The following SMARCC1 variants were observed in gnomAD, a reference collection of about 807,000 sequenced individuals.
SMARCC1 encodes SWI/SNF related BAF chromatin remodeling complex subunit C1.
In SMARCC1, 43 loss-of-function variants were observed where a neutral mutation model predicts 147.4. The ratio of observed to expected loss-of-function variants is 0.29; its 90% CI spans 0.23 to 0.38. The LOEUF (loss-of-function observed/expected upper bound fraction) is 0.38. Among genes scored for constraint, SMARCC1 ranks in the 10% least tolerant of loss-of-function variants. SMARCC1 has a pLI of 1.00. For synonymous variants in SMARCC1, 495 were observed against 484.4 expected, an observed-to-expected ratio of 1.02 and a Z score of -0.29; for missense variants, 1,119 against 1,381.1, an observed-to-expected ratio of 0.81 and a Z score of 3.01.
At position 47,673,400 on chromosome 3, in the gene SMARCC1, G is replaced by GT. The variant is rs999867089; in HGVS notation, c.1839+2074_1839+2075insA. 6.0e-5 allele frequency among the ~76,000 whole-genome samples: 7 copies of GT among 117,098 alleles called. 1 individual carries two copies. Among genetic ancestry groups the GT allele is most frequent in the Non-Finnish European group, 8.8e-5 (5 of 56,532 alleles). 76.8% of individuals were successfully genotyped at this position (117,098 alleles called of 152,430 possible). On this transcript the variant is annotated intron_variant, in intron 18 of 27. Coordinates refer to ENST00000254480, the MANE Select transcript of SMARCC1 (RefSeq NM_003074.4). The stretch of plus-strand genomic sequence containing the variant: ...GACTCTGTCTCAAAAAAAAAAGGGT[G>GT]GGGGGGGGGCAGGCCAGTGGCTCAG...
At chr3:47,742,236 C>A (rs375617165) in intron 3 of SMARCC1, among the ~76,000 whole-genome samples, 100 of 151,748 alleles carry the variant, frequency 6.6e-4, no homozygotes, top group African/African-American at 2.3e-3. Context: ...AGGGTTCCAG[C>A]CTGCTGGGTG....
intron 25 of SMARCC1, among the ~76,000 whole-genome samples, chr3:47,615,615 T>C (rs62262085): frequency 0.024 from 3,662 of 152,334 alleles, 52 homozygotes; most frequent in Non-Finnish European, 0.038. Context: ...GTACAGGGTC[T>C]GGGTTTCTCA....
intron 14 of SMARCC1, among the ~76,000 whole-genome samples, chr3:47,682,454 A>T (rs931874580): frequency 3.3e-5 from 5 of 152,114 alleles, no homozygotes; most frequent in African/African-American, 7.2e-5. Context: ...AATTAAAAAA[A>T]TTTTTTGTAG....
At chr3:47,740,281 C>T (rs2034495224) in intron 3 of SMARCC1, among the ~76,000 whole-genome samples, 1 of 148,580 alleles carries the variant, frequency 6.7e-6, no homozygotes, top group Admixed American at 6.8e-5. Context: ...CTGCAACCTC[C>T]GCCTTCTGGG....
intron 26 of SMARCC1, among the ~76,000 whole-genome samples, chr3:47,605,014 C>T (rs367720590): frequency 1.3e-5 from 2 of 152,210 alleles, no homozygotes; most frequent in African/African-American, 4.8e-5. Flanking sequence ...TGTGCTGTTG[C>T]TTTTAATTTT....
intron 9 of SMARCC1, among the ~76,000 whole-genome samples, chr3:47,708,615 G>A (rs1389754015): frequency 2.6e-5 from 4 of 152,022 alleles, no homozygotes; most frequent in Admixed American, 2.6e-4. Flanking sequence ...TTCAGGGAAA[G>A]CAAATATGTA....
intron 1 of SMARCC1, among the ~76,000 whole-genome samples, chr3:47,777,833 C>A (rs2034993859): frequency 6.6e-6 from 1 of 151,898 alleles, no homozygotes; most frequent in Non-Finnish European, 1.5e-5. Context: ...CAGTCTCAGT[C>A]CAATTTTTAA....
chr3:47,599,589 C>G (rs937478886), intron 26 of SMARCC1, among the ~76,000 whole-genome samples: 3 of 152,124 alleles, frequency 2.0e-5, no homozygotes, highest in African/African-American at 7.2e-5. Flanking sequence ...AATGAGGGAG[C>G]TCAGATCTGA....
chr3:47,712,360 A>G (rs1576419150), intron 8 of SMARCC1, among the ~76,000 whole-genome samples: 2 of 152,212 alleles, frequency 1.3e-5, no homozygotes, highest in East Asian at 3.8e-4. Context: ...TTTAGAAAAT[A>G]AATGTCAAAA....
At chr3:47,703,264 T>C (rs1339499153) in intron 10 of SMARCC1, among the ~76,000 whole-genome samples, 2 of 152,194 alleles carry the variant, frequency 1.3e-5, no homozygotes, top group South Asian at 2.1e-4. Flanking sequence ...AAGCCGGGCA[T>C]GGTGGCATGC....
chr3:47,594,725 G>A (rs929007322), intron 26 of SMARCC1, among the ~76,000 whole-genome samples: 1 of 152,168 alleles, frequency 6.6e-6, no homozygotes, highest in African/African-American at 2.4e-5. Context: ...AGGGATTAGG[G>A]ATAGGACTAA....
chr3:47,635,354 T>A lies in SMARCC1; in HGVS notation c.2492-10A>T. 1 of 1,609,618 alleles carries A rather than the reference T, an allele frequency of 6.2e-7. No homozygotes were observed. The highest frequency in any genetic ancestry group is 8.5e-7 in the Non-Finnish European group (1 of 1,179,758). ...TCAGTCTCCTTTTCTTCTGAAAATATCAGAAAGCTTTGTTACTAGCGTGCC... is the reference window on the plus strand; with the variant it reads ...TCAGTCTCCTTTTCTTCTGAAAATAACAGAAAGCTTTGTTACTAGCGTGCC... On this transcript the variant is annotated splice_polypyrimidine_tract_variant and intron_variant, in intron 23 of 27. Coordinates refer to ENST00000254480, the MANE Select transcript of SMARCC1 (RefSeq NM_003074.4).
intron 3 of SMARCC1, among the ~76,000 whole-genome samples, chr3:47,740,834 G>C (rs2034500790): frequency 1.4e-5 from 2 of 144,532 alleles, no homozygotes; most frequent in African/African-American, 5.2e-5. Flanking sequence ...CTGGGCGACA[G>C]AGGGAGACTC....
At chr3:47,777,003 A>T (rs1244859537) in intron 1 of SMARCC1, among the ~76,000 whole-genome samples, 3 of 151,524 alleles carry the variant, frequency 2.0e-5, no homozygotes, top group East Asian at 1.9e-4. Flanking sequence ...CGAACTCCCA[A>T]CCTCAGATGA....
In SMARCC1 at chr3:47,633,771, TATATATATACACACAC is replaced by T. The variant is rs1173436367; in HGVS notation, c.2646+1403_2646+1418del. ...AAAAAAAAAAAAAAAAAAATATATA[TATATATATACACACAC>T]ACACACACACACACACACACACACA... On this transcript the variant is annotated intron_variant, in intron 24 of 27. Coordinates refer to ENST00000254480, the MANE Select transcript of SMARCC1 (RefSeq NM_003074.4). Among the ~76,000 whole-genome samples the T allele has an allele frequency of 2.2e-4, 3 of 13,924 alleles. 1 individual carries two copies. Among genetic ancestry groups the T allele is most frequent in the African/African-American group, 3.0e-4 (3 of 9,842 alleles). The allele number at this position is 13,924 out of a possible 152,430, so 9.1% of individuals were successfully genotyped here.
chr3:47,765,750 T>G lies in SMARCC1; in HGVS notation c.315+7067A>C, dbSNP rs1026714424. The stretch of plus-strand genomic sequence containing the variant: ...TTGCAAATTAATTTTTTTTTTTTTT[T>G]GAGATGGAGTCTCACTCTGTCGCCC... On this transcript the variant is annotated intron_variant, in intron 2 of 27. Coordinates refer to ENST00000254480, the MANE Select transcript of SMARCC1 (RefSeq NM_003074.4). Among the ~76,000 whole-genome samples, 9 of 151,880 alleles carry G rather than the reference T, an allele frequency of 5.9e-5. No individual in the cohort carries two copies. In the East Asian group the frequency reaches 1.5e-3, roughly 26 times the overall value.
chr3:47,703,554 T>C (rs905894827), intron 10 of SMARCC1, among the ~76,000 whole-genome samples: 4 of 152,052 alleles, frequency 2.6e-5, no homozygotes, highest in African/African-American at 9.7e-5. Flanking sequence ...TGTAGAATAA[T>C]GGCCAAAAGG....
intron 7 of SMARCC1, among the ~76,000 whole-genome samples, chr3:47,715,964 T>C (rs1350318886): frequency 6.6e-6 from 1 of 151,948 alleles, no homozygotes; most frequent in Non-Finnish European, 1.5e-5. Flanking sequence ...TCAGACCACC[T>C]ACTCCAACAA....
At position 47,675,593 on chromosome 3, in the gene SMARCC1, G is replaced by A; in HGVS notation, c.1726-5C>T. On this transcript the variant is annotated splice_polypyrimidine_tract_variant and splice_region_variant and intron_variant, in intron 17 of 27. Coordinates refer to ENST00000254480, the MANE Select transcript of SMARCC1 (RefSeq NM_003074.4). ...CATCTGTTGAGCAGCAGGAACCTGA[G>A]TCAAATAAATGATAAATGGCTGAGT... is the stretch of plus-strand genomic sequence containing the variant. 2.7e-6 allele frequency: 4 copies of A among 1,479,824 alleles called. No homozygotes were observed. The highest frequency in any genetic ancestry group is 3.8e-6 in the Non-Finnish European group (4 of 1,058,082). The allele number at this position is 1,479,824 out of a possible 1,614,324, so 91.7% of individuals were successfully genotyped here. A position where few individuals can be genotyped will look rare whatever the true frequency, so the allele number is the denominator to read the frequency against.
Sources: gnomAD v4.1 joint callset for allele counts (sites outside exome capture counted in the v4.1 genomes callset) on GRCh38, gnomAD v4.1.1 for gene constraint, MANE v1.5 for transcripts, NCBI Gene and HGNC (gene_info 2026-07-23, HGNC 2026-07-21) for gene names.